Variants in GCNT2 observed in about 807,000 individuals in gnomAD.
GCNT2 encodes the protein glucosaminyl (N-acetyl) transferase 2 (I blood group).
GCNT2 carries 34 observed loss-of-function variants against 34.2 expected under a neutral mutation model. That is an observed-to-expected ratio of 1.00 (90% CI 0.76 to 1.32). GCNT2 has a LOEUF of 1.32. Ranked by LOEUF, GCNT2 falls within the 40% of genes most tolerant of loss-of-function variation. The pLI is 0.00. For missense variants in GCNT2, 584 were observed against 489.4 expected, an observed-to-expected ratio of 1.19 and a Z score of -1.82; for synonymous variants, 212 against 188.0, an observed-to-expected ratio of 1.13 and a Z score of -1.04.
At chr6:10,557,597 C>T (rs930914239) in intron 3 of GCNT2, among the ~76,000 whole-genome samples, 5 of 151,954 alleles carry the variant, frequency 3.3e-5, no homozygotes, top group Admixed American at 1.3e-4. Context: ...CAGCAATCCT[C>T]CCACTTCAGT....
At chr6:10,525,105 A>G (rs1761123740) in intron 1 of GCNT2, among the ~76,000 whole-genome samples, 1 of 152,150 alleles carries the variant, frequency 6.6e-6, no homozygotes, top group Admixed American at 6.6e-5. Flanking sequence ...TGTCTGTAGA[A>G]AGGAACCCCT....
At chr6:10,578,913 A>AACTGGGAGGAGGCGGG (rs1763946287) in intron 3 of GCNT2, among the ~76,000 whole-genome samples, 2 of 152,184 alleles carry the variant, frequency 1.3e-5, no homozygotes, top group African/African-American at 2.4e-5. Context: ...GAGGAGGCGG[A>AACTGGGAGGAGGCGGG]GAACTGGAAA....
At chr6:10,546,796 T>C (rs796024) in intron 3 of GCNT2, among the ~76,000 whole-genome samples, 60,312 of 152,090 alleles carry the variant, frequency 0.4, 12,957 homozygotes, top group African/African-American at 0.58. Flanking sequence ...ATTTTAAAAA[T>C]GTAAACAGTA....
At chr6:10,534,423 A>G (rs1229230770) in intron 3 of GCNT2, among the ~76,000 whole-genome samples, 1 of 152,028 alleles carries the variant, frequency 6.6e-6, no homozygotes, top group East Asian at 1.9e-4. Flanking sequence ...GGCGTGAGCC[A>G]CTGTGCCTGG....
chr6:10,574,449 G>A (rs1024211203), intron 3 of GCNT2, among the ~76,000 whole-genome samples: 5 of 152,122 alleles, frequency 3.3e-5, no homozygotes, highest in African/African-American at 1.2e-4. Flanking sequence ...CCTTTGCACT[G>A]CAACCCAGAT....
At chr6:10,530,374 A>G (rs1761426393) in intron 3 of GCNT2, 4 of 152,818 alleles carry the variant, frequency 2.6e-5, no homozygotes, top group Admixed American at 1.9e-4. Context: ...CTAAATAAAT[A>G]AATAAATAAA....
chr6:10,597,572 G>T (rs572047561), intron 3 of GCNT2, among the ~76,000 whole-genome samples: 5 of 152,112 alleles, frequency 3.3e-5, no homozygotes, highest in African/African-American at 1.2e-4. Flanking sequence ...TTTGTAAAAG[G>T]GCTAGAAGAA....
At position 10,529,045 on chromosome 6, in the gene GCNT2, T is replaced by C. The variant is rs752882493; in HGVS notation, c.134T>C (p.Leu45Ser). Residue 45 changes from leucine (L) to serine (S), a missense_variant, in exon 3 of 5, where the codon TTA becomes TCA. Coordinates refer to ENST00000495262, the MANE Select transcript of GCNT2 (RefSeq NM_145649.5). ...GCAGCTCTGTCCAATGCTTCACTGT[T>C]AGCAGAAGCCTGTCATCAGATTTTT... ...LRAALSNASL[L>S]AEACHQIFEG... is the part of the protein sequence containing the mutation. 10 of 1,614,170 alleles carry C rather than the reference T, an allele frequency of 6.2e-6. No individual in the cohort carries two copies. Among genetic ancestry groups the C allele is most frequent in the Non-Finnish European group, 7.6e-6 (9 of 1,179,972 alleles).
intron 3 of GCNT2, among the ~76,000 whole-genome samples, chr6:10,569,849 C>CTCTT (rs1399360510): frequency 2.1e-5 from 3 of 146,158 alleles, no homozygotes; most frequent in African/African-American, 7.6e-5. Flanking sequence ...TCCTTCCTTT[C>CTCTT]TCTTTCTTTC....
chr6:10,570,216 T>C (rs1763497739), intron 3 of GCNT2, among the ~76,000 whole-genome samples: 1 of 152,236 alleles, frequency 6.6e-6, no homozygotes, highest in African/African-American at 2.4e-5. Context: ...ATTACAGGCA[T>C]TAGCCACGGC....
intron 3 of GCNT2, chr6:10,586,997 T>C: frequency 1.0e-6 from 1 of 993,826 alleles, no homozygotes; most frequent in South Asian, 1.3e-5. Flanking sequence ...TTTGAAATTA[T>C]TATGAAATAA....
intron 3 of GCNT2, among the ~76,000 whole-genome samples, chr6:10,534,926 G>A (rs886520951): frequency 6.6e-6 from 1 of 152,158 alleles, no homozygotes; most frequent in Non-Finnish European, 1.5e-5. Flanking sequence ...GCTCACGCCT[G>A]TAATCCCAGC....
chr6:10,592,085 A>C (rs747494652), intron 3 of GCNT2, among the ~76,000 whole-genome samples: 1 of 141,116 alleles, frequency 7.1e-6, no homozygotes, highest in Admixed American at 6.9e-5. Context: ...GGGTAGAATC[A>C]TGTCTTAACA....
chr6:10,596,654 T>C (rs1764865978), intron 3 of GCNT2, among the ~76,000 whole-genome samples: 2 of 152,062 alleles, frequency 1.3e-5, no homozygotes, highest in Admixed American at 6.5e-5. Context: ...TGGGGTACAC[T>C]GTTTCCTGTG....
chr6:10,523,780 G>C (rs1041747911), intron 1 of GCNT2, among the ~76,000 whole-genome samples: 2 of 151,968 alleles, frequency 1.3e-5, no homozygotes, highest in Admixed American at 6.6e-5. Flanking sequence ...AGACCATCCT[G>C]GCTAACACGG....
chr6:10,561,575 ATCT>A (rs775253802), intron 3 of GCNT2, among the ~76,000 whole-genome samples: 19 of 152,142 alleles, frequency 1.2e-4, no homozygotes, highest in South Asian at 4.1e-4. Context: ...CCGCTGGTTG[ATCT>A]TCTTCCCAGT....
At chr6:10,609,616 C>T (rs1367937859) in intron 3 of GCNT2, among the ~76,000 whole-genome samples, 2 of 152,080 alleles carry the variant, frequency 1.3e-5, no homozygotes, top group African/African-American at 2.4e-5. Flanking sequence ...TCTTCCTGGC[C>T]GGAATGTGAT....
At chr6:10,582,409 A>G (rs1290172628) in intron 3 of GCNT2, among the ~76,000 whole-genome samples, 1 of 124,548 alleles carries the variant, frequency 8.0e-6, no homozygotes, top group Non-Finnish European at 1.6e-5. Context: ...AATAAATAGT[A>G]TAATATTTAT....
intron 3 of GCNT2, among the ~76,000 whole-genome samples, chr6:10,592,201 G>A (rs1031279467): frequency 6.6e-6 from 1 of 152,198 alleles, no homozygotes; most frequent in Non-Finnish European, 1.5e-5. Context: ...TCTGGCTGAA[G>A]GAGAAATTCC....
Sources: allele counts gnomAD v4.1 joint callset (sites outside exome capture counted in the v4.1 genomes callset), GRCh38; gene constraint gnomAD v4.1.1; transcripts MANE v1.5; gene names NCBI Gene and HGNC (gene_info 2026-07-23, HGNC 2026-07-21).